Variants in PCYOX1L observed in about 807,000 individuals in gnomAD.
PCYOX1L encodes the protein prenylcysteine oxidase 1 like, also known as prenylcysteine oxidase 1-like.
PCYOX1L carries 40 observed loss-of-function variants against 44.1 expected under a neutral mutation model. The ratio of observed to expected loss-of-function variants is 0.91; its 90% CI spans 0.70 to 1.18. The LOEUF (loss-of-function observed/expected upper bound fraction) is 1.18, where lower values mean the gene tolerates loss of function less well. PCYOX1L is among the 50% of genes most tolerant of loss of function. The probability of loss-of-function intolerance (pLI) is 0.00; values close to 1 mark genes in which losing one functional copy is unlikely to be tolerated. For synonymous variants in PCYOX1L, 266 were observed against 282.8 expected (o/e 0.94, Z 0.60); for missense variants, 605 against 653.3 (o/e 0.93, Z 0.81).
At position 149,368,234 on chromosome 5, in the gene PCYOX1L, C is replaced by G. The variant is rs138244529; in HGVS notation, c.1065C>G (p.Pro355=). The G allele has an allele frequency of 1.7e-5, 27 of 1,614,190 alleles. No homozygotes were observed. In the African/African-American group the frequency reaches 3.1e-4, roughly 18 times the overall value. Reference sequence around the variant, plus strand: ...GTTTCCCAGACCCTAAGCTTTTCCCCTTTGCCAACATCCTTACCACAGATT... The same window carrying G: ...GTTTCCCAGACCCTAAGCTTTTCCCGTTTGCCAACATCCTTACCACAGATT... ...YFGFPDPKLF[P]FANILTTDFP... Residue 355 remains proline (P), a synonymous_variant, in exon 6 of 6, where the codon CCC becomes CCG. Coordinates refer to ENST00000274569, the MANE Select transcript of PCYOX1L (RefSeq NM_024028.4).
At position 149,368,486 on chromosome 5, in the gene PCYOX1L, C is replaced by T; in HGVS notation, c.1317C>T (p.Leu439=). 1.2e-6 allele frequency: 2 copies of T among 1,612,708 alleles called. No homozygotes were observed. The change falls in exon 6 of 6, where the codon CTC becomes CTT. Residue 439 remains leucine, a synonymous_variant. Transcript: ENST00000274569. ...GSRPTLPRFA[L]HDQLFYLNAL... ...GCCCCACGCTCCCGAGGTTTGCACT[C>T]CATGACCAGCTCTTCTACCTCAATG...
chr5:149,367,262 C>T lies in PCYOX1L; in HGVS notation c.683-98C>T, dbSNP rs1028235185. 12 of 1,440,988 alleles carry T rather than the reference C, an allele frequency of 8.3e-6. No individual in the cohort carries two copies. In the African/African-American group the frequency reaches 1.6e-4, roughly 19 times the overall value. 89.3% of individuals were successfully genotyped at this position (1,440,988 alleles called of 1,614,324 possible). A position where few individuals can be genotyped will look rare whatever the true frequency, so the allele number is the denominator to read the frequency against. On this transcript the variant is annotated intron_variant, in intron 4 of 5. Coordinates refer to ENST00000274569, the MANE Select transcript of PCYOX1L (RefSeq NM_024028.4). ...CATGCCCATGGTTGGGAGAGTTTTG[C>T]TCTGGCAGGGAGGCCCAGTCGAATA...
chr5:149,362,434 A>G (rs1441915333), intron 1 of PCYOX1L: 8 of 593,404 alleles, frequency 1.3e-5, no homozygotes, highest in Non-Finnish European at 2.1e-5. Context: ...AAAGTATAGT[A>G]GGCAGCAGTT....
At chr5:149,365,644 A>G in intron 3 of PCYOX1L, 1 of 438,874 alleles carries the variant, frequency 2.3e-6, no homozygotes, top group Non-Finnish European at 4.2e-6. Flanking sequence ...AGAAAGGGTT[A>G]TGAACTATGA....
At chr5:149,366,303 C>T (rs901962830) in intron 4 of PCYOX1L, 150 bp downstream of exon 4, 2 of 798,012 alleles carry the variant, frequency 2.5e-6, no homozygotes. Flanking sequence ...GATTCTGGGA[C>T]TGGCCATGAG....
chr5:149,366,825 C>G (rs1205126541), intron 4 of PCYOX1L, among the ~76,000 whole-genome samples: 1 of 152,178 alleles, frequency 6.6e-6, no homozygotes, highest in Non-Finnish European at 1.5e-5. Context: ...CCTCAGTGTT[C>G]CTTGCTCACT....
rs1349759137 is a variant in PCYOX1L, at chr5:149,368,304, A to T, written c.1135A>T (p.Ile379Phe). ...CTLDNICPVN[I>F]SASFRRKQPQ... ...TCTGGACAACATCTGCCCTGTCAAC[A>T]TCTCTGCCAGCTTCCGGCGAAAGCA... Residue 379 changes from isoleucine (I) to phenylalanine (F), a missense_variant, in exon 6 of 6, where the codon ATC (isoleucine) becomes TTC (phenylalanine). Coordinates refer to ENST00000274569, the MANE Select transcript of PCYOX1L (RefSeq NM_024028.4). 1 of 1,614,044 alleles carries T rather than the reference A, an allele frequency of 6.2e-7. No individual in the cohort carries two copies. Among genetic ancestry groups the T allele is most frequent in the South Asian group, 1.1e-5 (1 of 91,084 alleles).
In PCYOX1L at chr5:149,358,107, G is replaced by C; in HGVS notation, c.39G>C (p.Ala13=). The C allele has an allele frequency of 6.9e-7, 1 of 1,451,782 alleles. No individual in the cohort carries two copies. The highest frequency in any genetic ancestry group is 9.1e-7 in the Non-Finnish European group (1 of 1,104,722). 89.9% of individuals were successfully genotyped at this position (1,451,782 alleles called of 1,614,324 possible). A position where few individuals can be genotyped will look rare whatever the true frequency, so the allele number is the denominator to read the frequency against. Residue 13 remains alanine, a synonymous_variant, in exon 1 of 6, where the codon GCG becomes GCC. Transcript: ENST00000274569. ...RAAPLLAALT[A]LLAAAAAGGD... ...CCCCGCTGCTCGCCGCGTTGACCGC[G>C]CTCCTCGCCGCCGCCGCTGCTGGCG...
Position 149,368,156 on chromosome 5 carries a change from C to G in PCYOX1L, c.987C>G (p.Phe329Leu). 6.2e-7 allele frequency: 1 copy of G among 1,613,466 alleles called. No homozygotes were observed. ...CCATTGATGACGTGCAGGGCTCTTT[C>G]CAGCCCACCGTCGTCTCCTTGGTCC... ...HPPIDDVQGS[F>L]QPTVVSLVHG... Residue 329 changes from phenylalanine (F) to leucine (L), a missense_variant, in exon 6 of 6, where the codon TTC (phenylalanine) becomes TTG (leucine). Coordinates refer to ENST00000274569, the MANE Select transcript of PCYOX1L (RefSeq NM_024028.4).
chr5:149,367,626 G>A, intron 5 of PCYOX1L, 126 bp downstream of exon 5: 1 of 1,356,794 alleles, frequency 7.4e-7, no homozygotes, highest in African/African-American at 1.5e-5. Context: ...AAAGCATTGA[G>A]AAGCCCCAAC....
chr5:149,364,330 A>G, intron 3 of PCYOX1L, 120 bp downstream of exon 3: 2 of 1,237,188 alleles, frequency 1.6e-6, no homozygotes, highest in Non-Finnish European at 2.2e-6. Context: ...GAGCCAGCAC[A>G]ATTCAGTGCA....
At position 149,366,031 on chromosome 5, in the gene PCYOX1L, C is replaced by T. The variant is rs1480003142; in HGVS notation, c.560C>T (p.Thr187Ile). ...GGGGAGTCCACCTTTGTTAACATGA[C>T]CCAGCACTCTGTGGCTGAGTCCCTG... ...SLGESTFVNM[T>I]QHSVAESLLQ... The change falls in exon 4 of 6, where the codon ACC (threonine) becomes ATC (isoleucine). Residue 187 changes from threonine to isoleucine, a missense_variant. Thr to Ile is a moderately conservative substitution (Grantham distance 89). Coordinates refer to ENST00000274569, the MANE Select transcript of PCYOX1L (RefSeq NM_024028.4). 1 of 1,614,226 alleles carries T rather than the reference C, an allele frequency of 6.2e-7. No individual in the cohort carries two copies. The highest frequency in any genetic ancestry group is 8.5e-7 in the Non-Finnish European group (1 of 1,180,042).
chr5:149,360,146 G>A (rs1000063328), intron 1 of PCYOX1L, among the ~76,000 whole-genome samples: 1 of 152,226 alleles, frequency 6.6e-6, no homozygotes, highest in Non-Finnish European at 1.5e-5. Flanking sequence ...CTTCATCATG[G>A]GTTGTCGTTG....
intron 3 of PCYOX1L, chr5:149,365,112 C>T (rs1383407037): frequency 6.6e-6 from 1 of 152,414 alleles, no homozygotes; most frequent in African/African-American, 2.4e-5. Flanking sequence ...GCACTTCTTC[C>T]TTATATTCTC....
At chr5:149,358,512 G>A (rs1300266899) in intron 1 of PCYOX1L, among the ~76,000 whole-genome samples, 1 of 151,962 alleles carries the variant, frequency 6.6e-6, no homozygotes, top group Admixed American at 6.5e-5. Context: ...GAGGTTGGTT[G>A]AGGGCTCTCT....
intron 1 of PCYOX1L, among the ~76,000 whole-genome samples, chr5:149,361,085 G>C (rs1254274630): frequency 6.6e-6 from 1 of 152,202 alleles, no homozygotes; most frequent in Non-Finnish European, 1.5e-5. Flanking sequence ...CTTCATAGCT[G>C]GTTTATAGTT....
At chr5:149,358,244 G>A in intron 1 of PCYOX1L, 88 bp downstream of exon 1, 1 of 1,284,202 alleles carries the variant, frequency 7.8e-7, no homozygotes, top group East Asian at 3.2e-5. Context: ...GTATAGGAGG[G>A]CGGCTGGGTG....
intron 2 of PCYOX1L, 110 bp from the exon 3 acceptor site, chr5:149,363,926 C>T: frequency 7.8e-7 from 1 of 1,285,338 alleles, no homozygotes; most frequent in Non-Finnish European, 1.1e-6. Flanking sequence ...ACAAGCAGCA[C>T]AAATGAACAA....
chr5:149,365,992 T>C lies in PCYOX1L; in HGVS notation c.521T>C (p.Leu174Pro). 6.2e-7 allele frequency: 1 copy of C among 1,614,234 alleles called. No homozygotes were observed. The highest frequency in any genetic ancestry group is 8.5e-7 in the Non-Finnish European group (1 of 1,180,026). ...HGYAFSGVEE[L>P]LYSLGESTFV... ...TATGCCTTCTCGGGTGTGGAGGAGCTGCTCTACTCACTGGGGGAGTCCACC... is the reference window on the plus strand; with the variant it reads ...TATGCCTTCTCGGGTGTGGAGGAGCCGCTCTACTCACTGGGGGAGTCCACC... The change falls in exon 4 of 6, where the codon CTG (leucine) becomes CCG (proline). Residue 174 changes from leucine to proline, a missense_variant. Physicochemically the swap from Leu to Pro is moderately conservative, Grantham distance 98. Transcript: ENST00000274569.
Sources: allele counts gnomAD v4.1 joint callset (sites outside exome capture counted in the v4.1 genomes callset), GRCh38; gene constraint gnomAD v4.1.1; transcripts MANE v1.5; gene names NCBI Gene and HGNC (gene_info 2026-07-23, HGNC 2026-07-21).